NUP62: variants seen among roughly 807,000 people sequenced by gnomAD.
NUP62 encodes the protein nucleoporin 62, also known as nuclear pore glycoprotein p62.
For missense variants in NUP62, 647 were observed against 689.4 expected, an observed-to-expected ratio of 0.94 and a Z score of 0.69; for synonymous variants, 305 against 303.4, an observed-to-expected ratio of 1.01 and a Z score of -0.05.
chr19:49,914,378 C>G (rs549810976), intron 2 of NUP62, among the ~76,000 whole-genome samples: 1 of 152,108 alleles, frequency 6.6e-6, no homozygotes, highest in Non-Finnish European at 1.5e-5. Flanking sequence ...GGCCTGTGCT[C>G]AGGGCTGGGT....
chr19:49,925,874 GT>G (rs1201925835), intron 2 of NUP62, among the ~76,000 whole-genome samples: 2 of 152,130 alleles, frequency 1.3e-5, no homozygotes, highest in Non-Finnish European at 2.9e-5. Context: ...CAACTTTTCT[GT>G]TGAGTCAATC....
At position 49,925,203 on chromosome 19, in the gene NUP62, G is replaced by T. The variant is rs554622650; in HGVS notation, c.-78+2491C>A. On this transcript the variant is annotated intron_variant, in intron 2 of 2. Transcript: ENST00000352066. ...TTGAACCCAGGAGGCAGAGGTTGCG[G>T]TGAGCCGAGATGGCACCATTGCACT... Among the ~76,000 whole-genome samples, 155 of 152,258 alleles carry T rather than the reference G, an allele frequency of 1.0e-3. 2 individuals carry two copies. The highest frequency in any genetic ancestry group is 3.6e-3 in the African/African-American group (151 of 41,542).
At chr19:49,928,071 C>T (rs1193616555) in intron 1 of NUP62, 1 of 152,232 alleles carries the variant, frequency 6.6e-6, no homozygotes, top group African/African-American at 2.4e-5. Context: ...GGGCACCCAT[C>T]ATTTGGAATG....
At position 49,908,264 on chromosome 19, in the gene NUP62, C is replaced by T. The variant is rs751090448; in HGVS notation, c.1544G>A (p.Arg515His). Residue 515 changes from arginine (R) to histidine (H), a missense_variant, in exon 3 of 3, where the codon CGC (arginine) becomes CAC (histidine). Arg to His is a conservative substitution (Grantham distance 29). Transcript: ENST00000352066. ...TCAGTCAAAGGTGATCCGGAAGCTG[C>T]GCTCCTGCTCCTTGCGCCGGCCCTC... ...VCEGRRKEQE[R>H]SFRITFD 5 of 1,613,632 alleles carry T rather than the reference C, an allele frequency of 3.1e-6. No individual in the cohort carries two copies. Among genetic ancestry groups the T allele is most frequent in the Admixed American group, 1.7e-5 (1 of 60,030 alleles).
At chr19:49,924,047 G>A (rs549281805) in intron 2 of NUP62, among the ~76,000 whole-genome samples, 1 of 152,348 alleles carries the variant, frequency 6.6e-6, no homozygotes, top group Admixed American at 6.5e-5. Context: ...CGATGGCACG[G>A]TGCAGGTGCA....
chr19:49,910,450 C>T (rs922698272), intron 2 of NUP62, among the ~76,000 whole-genome samples: 6 of 152,142 alleles, frequency 3.9e-5, no homozygotes, highest in African/African-American at 1.2e-4. Context: ...ACTGGAACTC[C>T]TCCTCCTAAC....
Position 49,908,164 on chromosome 19 carries a change from C to A in NUP62, c.*75G>T. 3.2e-6 allele frequency: 5 copies of A among 1,571,062 alleles called. No individual in the cohort carries two copies. The highest frequency in any genetic ancestry group is 4.3e-6 in the Non-Finnish European group (5 of 1,162,628). The stretch of plus-strand genomic sequence containing the variant: ...AAACAAACAAGTATCTTGCCACAAC[C>A]CCAAACTACAGACAACAGGGCGCAT... On this transcript the variant is annotated 3_prime_UTR_variant, in exon 3 of 3. Coordinates refer to ENST00000352066, the MANE Select transcript of NUP62 (RefSeq NM_016553.5).
At position 49,921,594 on chromosome 19, in the gene NUP62, G is replaced by C. The variant is rs1261703872; in HGVS notation, c.-78+6100C>G. 6.6e-6 allele frequency among the ~76,000 whole-genome samples: 1 copy of C among 152,206 alleles called. No individual in the cohort carries two copies. On this transcript the variant is annotated intron_variant, in intron 2 of 2. Transcript: ENST00000352066. This position sits in a 1 kb window ranked among gnomAD's most constrained non-coding sequence, Gnocchi z 5.4. ...TCTGTGGTAGGTCAGGAAGAAGAGG[G>C]CAAAGGAGTCTGCATCAAACTGGGC...
chr19:49,918,851 C>T (rs941912616), intron 2 of NUP62, among the ~76,000 whole-genome samples: 28 of 128,292 alleles, frequency 2.2e-4, no homozygotes, highest in East Asian at 2.6e-4. Flanking sequence ...AAAGCTAGGC[C>T]GGGCGCAGTG....
chr19:49,915,028 C>A (rs1373635332), intron 2 of NUP62, among the ~76,000 whole-genome samples: 1 of 152,068 alleles, frequency 6.6e-6, no homozygotes, highest in Non-Finnish European at 1.5e-5. Context: ...GAGTGAGCCA[C>A]TGTGCCCGGC....
intron 2 of NUP62, among the ~76,000 whole-genome samples, chr19:49,926,208 C>CAAA (rs33981121): frequency 0.021 from 872 of 42,202 alleles, 50 homozygotes; most frequent in African/African-American, 0.045. Flanking sequence ...GACTCTGTCT[C>CAAA]AAAAAAAAAA....
chr19:49,908,902 G>C lies in NUP62; in HGVS notation c.906C>G (p.Ile302Met). The C allele has an allele frequency of 1.2e-6, 2 of 1,608,372 alleles. No homozygotes were observed. The highest frequency in any genetic ancestry group is 1.7e-6 in the Non-Finnish European group (2 of 1,178,222). ...LNLKPLAPAG[I>M]PSNTAAAVTA... ...TCACGGCAGCTGCTGTATTGCTGGG[G>C]ATCCCGGCTGGCGCCAGTGGTTTTA... The change falls in exon 3 of 3, where the codon ATC becomes ATG. Residue 302 changes from isoleucine to methionine, a missense_variant. Transcript: ENST00000352066.
At chr19:49,914,009 T>C (rs1438449124) in intron 2 of NUP62, among the ~76,000 whole-genome samples, 1 of 152,088 alleles carries the variant, frequency 6.6e-6, no homozygotes, top group Admixed American at 6.5e-5. Flanking sequence ...CATCACAATT[T>C]GAGCAAAGTG....
chr19:49,917,587 G>T (rs1201598381), intron 2 of NUP62: 3 of 152,250 alleles, frequency 2.0e-5, no homozygotes, highest in Admixed American at 2.0e-4. Context: ...CAGGGTCTGG[G>T]TTATGTTGGG....
intron 2 of NUP62, among the ~76,000 whole-genome samples, chr19:49,922,228 C>T (rs970642717): frequency 1.3e-5 from 2 of 152,224 alleles, no homozygotes; most frequent in Non-Finnish European, 2.9e-5. Context: ...TTAGCCCAAA[C>T]GCCTCCTTAT....
intron 2 of NUP62, among the ~76,000 whole-genome samples, chr19:49,926,855 CT>C (rs57084948): frequency 0.59 from 73,937 of 125,352 alleles, 20,716 homozygotes; most frequent in East Asian, 0.9. Context: ...GAAGTAGGTA[CT>C]TTTTTTTTTT....
intron 2 of NUP62, among the ~76,000 whole-genome samples, 165 bp from the exon 3 acceptor site, chr19:49,910,049 G>A (rs1337568996): frequency 6.6e-6 from 1 of 152,132 alleles, no homozygotes; most frequent in Non-Finnish European, 1.5e-5. Context: ...AAGCACAAAA[G>A]CACGCCCCAG....
intron 2 of NUP62, among the ~76,000 whole-genome samples, chr19:49,910,164 G>A (rs1373190483): frequency 6.6e-6 from 1 of 152,072 alleles, no homozygotes; most frequent in Non-Finnish European, 1.5e-5. Context: ...CAGGACCTTG[G>A]ACCCACCTCA....
In NUP62 at chr19:49,925,473, T is replaced by C. The variant is rs1333063011; in HGVS notation, c.-78+2221A>G. Among the ~76,000 whole-genome samples the C allele has an allele frequency of 3.4e-5, 5 of 147,844 alleles. No individual in the cohort carries two copies. In the East Asian group the frequency reaches 8.0e-4, roughly 24 times the overall value. On this transcript the variant is annotated intron_variant, in intron 2 of 2. Transcript: ENST00000352066. ...CCAAAAAAAAAAAAAAATAGCATCCTACCTGGCCATCCTCTCAATATCCCG... is the reference window on the plus strand; with the variant it reads ...CCAAAAAAAAAAAAAAATAGCATCCCACCTGGCCATCCTCTCAATATCCCG...
Sources: allele counts gnomAD v4.1 joint callset (sites outside exome capture counted in the v4.1 genomes callset), GRCh38; gene constraint gnomAD v4.1.1; non-coding constraint Gnocchi (gnomAD v3.1); transcripts MANE v1.5; gene names NCBI Gene and HGNC (gene_info 2026-07-23, HGNC 2026-07-21).